GAA: variants seen among roughly 807,000 people sequenced by gnomAD.
The protein encoded by GAA is alpha glucosidase, also known as lysosomal alpha-glucosidase.
In GAA, 88 loss-of-function variants were observed where a neutral mutation model predicts 103.9. That is an observed-to-expected ratio of 0.85 (90% CI 0.71 to 1.01). The LOEUF is 1.01. Ranked by LOEUF, GAA falls within the 50% of genes least tolerant of loss-of-function variation. The pLI is 0.00. For missense variants in GAA, 1,350 were observed against 1,305.3 expected, an observed-to-expected ratio of 1.03 and a Z score of -0.53; for synonymous variants, 572 against 563.1, an observed-to-expected ratio of 1.02 and a Z score of -0.22.
chr17:80,109,597 C>G (rs1346944306), intron 8 of GAA, among the ~76,000 whole-genome samples: 1 of 151,522 alleles, frequency 6.6e-6, no homozygotes, highest in African/African-American at 2.4e-5. Flanking sequence ...CAGTAGTAGC[C>G]CTTAAGAGCA....
intron 13 of GAA, 21 bp downstream of exon 13, chr17:80,112,732 G>T (rs2304837): frequency 1.9e-6 from 3 of 1,598,510 alleles, no homozygotes; most frequent in Non-Finnish European, 1.7e-6. Context: ...ACCAGGAGGG[G>T]CTGCTCAGCA....
At chr17:80,109,093 C>T (rs574971335) in intron 8 of GAA, among the ~76,000 whole-genome samples, 1 of 152,268 alleles carries the variant, frequency 6.6e-6, no homozygotes, top group East Asian at 1.9e-4. Context: ...AAGCAAAAGG[C>T]CAGGGGCATG....
rs2039243774 is a variant in GAA at position 80,111,906 on chromosome 17, G to A, written c.1637-77G>A. The A allele has an allele frequency of 2.4e-6, 3 of 1,242,372 alleles. No homozygotes were observed. In the South Asian group the frequency reaches 3.6e-5, roughly 15 times the overall value. The allele number at this position is 1,242,372 out of a possible 1,614,324, so 77.0% of individuals were successfully genotyped here. A position where few individuals can be genotyped will look rare whatever the true frequency, so the allele number is the denominator to read the frequency against. On this transcript the variant is annotated intron_variant, in intron 11 of 19. Transcript: ENST00000302262. ...GCAGCGACCTGCACAGGGGCTCCTG[G>A]GAGGTGGGGGGCAGGGAGGGCACCT... is the stretch of plus-strand genomic sequence containing the variant.
rs1370160746 is a variant in GAA, at chr17:80,105,800, G to T, written c.598G>T (p.Val200Phe). Residue 200 changes from valine (V) to phenylalanine (F), a missense_variant, in exon 3 of 20, where the codon GTC (valine) becomes TTC (phenylalanine). Physicochemically the swap from Val to Phe is conservative, Grantham distance 50 (BLOSUM62 -1). Coordinates refer to ENST00000302262, the MANE Select transcript of GAA (RefSeq NM_000152.5). Reference protein sequence around the residue: ...RYEVPLETPHVHSRAPSPLYS... With the variant: ...RYEVPLETPHFHSRAPSPLYS... ...CGAGGTGCCCTTGGAGACCCCGCAT[G>T]TCCACAGCCGGGCACCGTCCCCACT... is the stretch of plus-strand genomic sequence containing the variant. 1.2e-6 allele frequency: 2 copies of T among 1,611,176 alleles called. No individual in the cohort carries two copies. Among genetic ancestry groups the T allele is most frequent in the Admixed American group, 3.3e-5 (2 of 60,002 alleles).
At position 80,105,995 on chromosome 17, in the gene GAA, G is replaced by GCGAC. The variant is rs913195708; in HGVS notation, c.692+102_692+105dup. The stretch of plus-strand genomic sequence containing the variant: ...GTTTGTTTCTCACACGATGGGCAGG[G>GCGAC]CGACACATGTTTGTTTCTCACACGG... On this transcript the variant is annotated intron_variant, in intron 3 of 19. Transcript: ENST00000302262. 1.9e-5 allele frequency: 27 copies of GCGAC among 1,453,080 alleles called. No homozygotes were observed. In the African/African-American group the frequency reaches 3.2e-4, roughly 17 times the overall value. 90.0% of individuals were successfully genotyped at this position (1,453,080 alleles called of 1,614,324 possible). A position where few individuals can be genotyped will look rare whatever the true frequency, so the allele number is the denominator to read the frequency against.
At chr17:80,117,181 AGTT>A in intron 16 of GAA, 72 bp downstream of exon 16, 10 of 1,526,876 alleles carry the variant, frequency 6.5e-6, no homozygotes, top group Non-Finnish European at 8.1e-6. Flanking sequence ...CCCTCCACCC[AGTT>A]GGTGTGACCA....
intron 8 of GAA, among the ~76,000 whole-genome samples, chr17:80,109,144 G>A (rs985791672): frequency 1.3e-5 from 2 of 152,184 alleles, no homozygotes; most frequent in African/African-American, 4.8e-5. Context: ...GGAGGGCCCG[G>A]TGGGCCTGGG....
chr17:80,108,954 T>C lies in GAA; in HGVS notation c.1326+126T>C, dbSNP rs1425851325. ...GGATGTTTTCTGAGGGTCTTTGTGATATCGAGGGAATATCAAGAAGTTTGC... is the reference window on the plus strand; with the variant it reads ...GGATGTTTTCTGAGGGTCTTTGTGACATCGAGGGAATATCAAGAAGTTTGC... On this transcript the variant is annotated intron_variant, in intron 8 of 19. Transcript: ENST00000302262. 4 of 1,260,956 alleles carry C rather than the reference T, an allele frequency of 3.2e-6. No homozygotes were observed. In the African/African-American group the frequency reaches 4.5e-5, roughly 14 times the overall value. The allele number at this position is 1,260,956 out of a possible 1,614,324, so 78.1% of individuals were successfully genotyped here. A position where few individuals can be genotyped will look rare whatever the true frequency, so the allele number is the denominator to read the frequency against.
Position 80,119,367 on chromosome 17 carries a change from T to C in GAA, c.*36T>C. On this transcript the variant is annotated 3_prime_UTR_variant, in exon 20 of 20. Transcript: ENST00000302262. ...TGTGTTAGTCTCTCCAGAGGGAGGC[T>C]GGTTCCCCAGGGAAGCAGAGCCTGT... is the stretch of plus-strand genomic sequence containing the variant. 6.3e-7 allele frequency: 1 copy of C among 1,589,190 alleles called. No homozygotes were observed. The highest frequency in any genetic ancestry group is 8.6e-7 in the Non-Finnish European group (1 of 1,157,596).
intron 15 of GAA, among the ~76,000 whole-genome samples, chr17:80,114,518 A>G (rs907698988): frequency 2.6e-5 from 4 of 152,092 alleles, no homozygotes. Flanking sequence ...TCAATAGCAT[A>G]AAAAAGCTTT....
At position 80,110,062 on chromosome 17, in the gene GAA, C is replaced by G. The variant is rs757605518; in HGVS notation, c.1437+7C>G. The G allele has an allele frequency of 6.2e-7, 1 of 1,610,324 alleles. No homozygotes were observed. Among genetic ancestry groups the G allele is most frequent in the Non-Finnish European group, 8.5e-7 (1 of 1,177,414 alleles). On this transcript the variant is annotated splice_region_variant and intron_variant, in intron 9 of 19. Coordinates refer to ENST00000302262, the MANE Select transcript of GAA (RefSeq NM_000152.5). The stretch of plus-strand genomic sequence containing the variant: ...CCAGCCGCTGATTGGGAAGGTAGGG[C>G]GAGGGTCCAGGGGACGGGGGTTAGA...
chr17:80,109,670 CT>C (rs1206015720), intron 8 of GAA, among the ~76,000 whole-genome samples: 3 of 151,652 alleles, frequency 2.0e-5, no homozygotes, highest in Non-Finnish European at 2.9e-5. Context: ...AAAGTGATTA[CT>C]GTAGAACACT....
chr17:80,110,670 T>G (rs542890099), intron 9 of GAA, 57 bp from the exon 10 acceptor site: 1 of 1,481,156 alleles, frequency 6.8e-7, no homozygotes, highest in African/African-American at 1.4e-5. Context: ...TCAGTGGGGC[T>G]TCCATGCAGG....
rs1289257741 is a variant in GAA, at chr17:80,118,689, GAGGGA to G, written c.2684_2688del (p.Glu895GlyfsTer121). ...GAATGAGCTGGTACGTGTGACCAGT[GAGGGA>G]GCTGGCCTGCAGCTGCAGAAGGTGA... On this transcript the variant is annotated frameshift_variant, in exon 19 of 20. Transcript: ENST00000302262. LOFTEE classifies it high-confidence loss of function. The G allele has an allele frequency of 6.2e-7, 1 of 1,613,062 alleles. No homozygotes were observed. The highest frequency in any genetic ancestry group is 8.5e-7 in the Non-Finnish European group (1 of 1,180,010).
chr17:80,119,174 G>C, intron 19 of GAA, 98 bp from the exon 20 acceptor site: 2 of 1,214,366 alleles, frequency 1.6e-6, no homozygotes, highest in Non-Finnish European at 1.2e-6. Context: ...CCTCGCTGCT[G>C]CTGGGATCTC....
At position 80,108,482 on chromosome 17, in the gene GAA, C is replaced by T; in HGVS notation, c.1076-7C>T. 1 of 1,613,176 alleles carries T rather than the reference C, an allele frequency of 6.2e-7. No homozygotes were observed. On this transcript the variant is annotated splice_polypyrimidine_tract_variant and splice_region_variant and intron_variant, in intron 6 of 19. Coordinates refer to ENST00000302262, the MANE Select transcript of GAA (RefSeq NM_000152.5). ...CCCTCCCTCATGAAGTCGGCGTTGG[C>T]CTGCAGGATACCCGTTCATGCCGCC...
chr17:80,107,663 CT>C lies in GAA; in HGVS notation c.800del (p.Leu267ArgfsTer47). ...AGGCCTCGCCGAGCACCTCAGTCCC[CT>C]GATGCTCAGCACCAGCTGGACCAGG... ...ITGLAEHLSP[L>X]MLSTSWTRIT... is the part of the protein sequence containing the mutation. On this transcript the variant is annotated frameshift_variant, in exon 4 of 20. Transcript: ENST00000302262. LOFTEE classifies it high-confidence loss of function. The C allele has an allele frequency of 6.2e-7, 1 of 1,613,104 alleles. No homozygotes were observed. The highest frequency in any genetic ancestry group is 8.5e-7 in the Non-Finnish European group (1 of 1,179,890).
intron 2 of GAA, 90 bp downstream of exon 2, chr17:80,105,222 T>A: frequency 7.9e-7 from 1 of 1,273,584 alleles, no homozygotes; most frequent in Non-Finnish European, 1.1e-6. Context: ...GGGGTGCATG[T>A]TGCACCACTG....
In GAA at chr17:80,113,241, C is replaced by A. The variant is rs140996643; in HGVS notation, c.2064C>A (p.Ser688Arg). The A allele has an allele frequency of 5.6e-6, 9 of 1,600,990 alleles. No individual in the cohort carries two copies. The highest frequency in any genetic ancestry group is 6.8e-6 in the Non-Finnish European group (8 of 1,174,952). Reference protein sequence around the residue: ...LSLPQEPYSFSEPAQQAMRKA... With the variant: ...LSLPQEPYSFREPAQQAMRKA... ...AGCCCCAGGAGCCGTACAGCTTCAGCGAGCCGGCCCAGCAGGCCATGAGGA... is the reference window on the plus strand; with the variant it reads ...AGCCCCAGGAGCCGTACAGCTTCAGAGAGCCGGCCCAGCAGGCCATGAGGA... Residue 688 changes from serine (S) to arginine (R), a missense_variant, in exon 15 of 20, where the codon AGC (serine) becomes AGA (arginine). Transcript: ENST00000302262.
Sources: gnomAD v4.1 joint callset for allele counts (sites outside exome capture counted in the v4.1 genomes callset) on GRCh38, gnomAD v4.1.1 for gene constraint, MANE v1.5 for transcripts, NCBI Gene and HGNC (gene_info 2026-07-23, HGNC 2026-07-21) for gene names.